The following MCTP2 variants were observed in gnomAD, a reference collection of about 807,000 sequenced individuals.
MCTP2 encodes multiple C2 and transmembrane domain containing 2.
MCTP2 carries 132 observed loss-of-function variants against 111.6 expected under a neutral mutation model. The ratio of observed to expected loss-of-function variants is 1.18; its 90% CI spans 1.03 to 1.37. The LOEUF (loss-of-function observed/expected upper bound fraction) is 1.37. Ranked by LOEUF, MCTP2 falls within the 40% of genes most tolerant of loss-of-function variation. The pLI is 0.00. For synonymous variants in MCTP2, 395 were observed against 387.7 expected, an observed-to-expected ratio of 1.02 and a Z score of -0.22; for missense variants, 1,183 against 1,067.9, an observed-to-expected ratio of 1.11 and a Z score of -1.50.
At chr15:94,461,770 G>A (rs1181069336) in intron 20 of MCTP2, among the ~76,000 whole-genome samples, 1 of 152,168 alleles carries the variant, frequency 6.6e-6, no homozygotes, top group Non-Finnish European at 1.5e-5. Context: ...AGGTTAAGTG[G>A]TTGGAATCCT....
At chr15:94,440,363 C>G in intron 18 of MCTP2, 65 bp downstream of exon 18, 1 of 1,594,632 alleles carries the variant, frequency 6.3e-7, no homozygotes, top group Non-Finnish European at 8.6e-7. Context: ...AAACTACCAC[C>G]ACCACCAAAT....
chr15:94,351,494 G>A (rs926264587), intron 8 of MCTP2, among the ~76,000 whole-genome samples: 1 of 152,078 alleles, frequency 6.6e-6, no homozygotes, highest in Non-Finnish European at 1.5e-5. Context: ...TTTTTCTTAC[G>A]AAGTTGATTT....
intron 20 of MCTP2, among the ~76,000 whole-genome samples, chr15:94,467,490 AGTTTTTTACT>A (rs1378979593): frequency 6.6e-6 from 1 of 152,114 alleles, no homozygotes; most frequent in Non-Finnish European, 1.5e-5. Context: ...TCTACAGTTT[AGTTTTTTACT>A]GTATGTAGCT....
At chr15:94,357,847 G>A (rs558032216) in intron 9 of MCTP2, among the ~76,000 whole-genome samples, 1 of 152,314 alleles carries the variant, frequency 6.6e-6, no homozygotes, top group South Asian at 2.1e-4. Context: ...AAACGTAGAA[G>A]CAGTTTGAAT....
intron 1 of MCTP2, among the ~76,000 whole-genome samples, chr15:94,296,055 C>T (rs2075261844): frequency 6.6e-6 from 1 of 152,164 alleles, no homozygotes; most frequent in Non-Finnish European, 1.5e-5. Context: ...TCCTGAGTTT[C>T]TCATAGTACC....
chr15:94,326,829 A>ACCCT (rs2076905329), intron 4 of MCTP2, among the ~76,000 whole-genome samples: 1 of 19,646 alleles, frequency 5.1e-5, no homozygotes, highest in African/African-American at 2.2e-4. Context: ...CCCCCCCCCA[A>ACCCT]CCTCGGCCTC....
chr15:94,313,352 T>G (rs531620179), intron 2 of MCTP2, among the ~76,000 whole-genome samples: 2 of 152,272 alleles, frequency 1.3e-5, no homozygotes, highest in African/African-American at 4.8e-5. Context: ...TACTGCATGA[T>G]GCAGGTGTCA....
intron 8 of MCTP2, among the ~76,000 whole-genome samples, chr15:94,349,319 T>C (rs895128240): frequency 6.6e-6 from 1 of 152,056 alleles, no homozygotes; most frequent in Non-Finnish European, 1.5e-5. Flanking sequence ...TCATCAAATC[T>C]CTCCTCTCAG....
intron 1 of MCTP2, among the ~76,000 whole-genome samples, chr15:94,244,063 T>C (rs2071446732): frequency 6.8e-6 from 1 of 147,244 alleles, no homozygotes; most frequent in Non-Finnish European, 1.5e-5. Context: ...TACACATACA[T>C]ATGTGTATAT....
chr15:94,268,184 C>CTT (rs370731655), intron 1 of MCTP2, among the ~76,000 whole-genome samples: 16 of 132,296 alleles, frequency 1.2e-4, no homozygotes, highest in South Asian at 7.2e-4. Context: ...TTCTTTCTTT[C>CTT]TTTTTTTTTT....
chr15:94,289,259 G>A (rs977006353), intron 1 of MCTP2, among the ~76,000 whole-genome samples: 1 of 152,150 alleles, frequency 6.6e-6, no homozygotes, highest in East Asian at 1.9e-4. Context: ...ATATATGGAA[G>A]AACAATGATT....
chr15:94,387,143 CCCTTCCTCCTTT>C (rs1040553670), intron 14 of MCTP2, among the ~76,000 whole-genome samples: 1 of 151,348 alleles, frequency 6.6e-6, no homozygotes, highest in African/African-American at 2.4e-5. Context: ...CCTCCTTCCC[CCCTTCCTCCTTT>C]CCTTCCTCCC....
intron 4 of MCTP2, among the ~76,000 whole-genome samples, chr15:94,331,197 A>G (rs2077117851): frequency 6.6e-6 from 1 of 152,224 alleles, no homozygotes; most frequent in South Asian, 2.1e-4. Flanking sequence ...ATTCATAAAA[A>G]TATTGGATGG....
intron 18 of MCTP2, 107 bp from the exon 19 acceptor site, chr15:94,442,812 A>G: frequency 4.4e-6 from 4 of 907,152 alleles, no homozygotes; most frequent in Non-Finnish European, 7.2e-6. Context: ...CATTTCAAAA[A>G]TATAAATGCT....
chr15:94,458,675 T>A (rs1229603366), intron 20 of MCTP2, among the ~76,000 whole-genome samples: 1 of 152,124 alleles, frequency 6.6e-6, no homozygotes, highest in Non-Finnish European at 1.5e-5. Context: ...AAGATACACA[T>A]CTAGTAGCAC....
chr15:94,442,845 A>G, intron 18 of MCTP2, 74 bp from the exon 19 acceptor site: 1 of 1,282,344 alleles, frequency 7.8e-7, no homozygotes, highest in South Asian at 1.2e-5. Flanking sequence ...GCAAGCTTTA[A>G]AATGTGTCTG....
chr15:94,414,468 A>G (rs1052736005), intron 17 of MCTP2, among the ~76,000 whole-genome samples: 2 of 152,190 alleles, frequency 1.3e-5, no homozygotes, highest in Admixed American at 6.6e-5. Context: ...CTAATCCGTT[A>G]AAAAATACAT....
chr15:94,309,053 G>A (rs2076013378), intron 2 of MCTP2, among the ~76,000 whole-genome samples: 1 of 152,162 alleles, frequency 6.6e-6, no homozygotes, highest in South Asian at 2.1e-4. Context: ...TTGATTGTAT[G>A]ATCCATAACC....
intron 1 of MCTP2, among the ~76,000 whole-genome samples, chr15:94,255,257 A>G (rs915926547): frequency 6.6e-6 from 1 of 152,204 alleles, no homozygotes; most frequent in Non-Finnish European, 1.5e-5. Context: ...TTCCAACTTG[A>G]TCTAACAGGT....
Sources: allele counts gnomAD v4.1 joint callset (sites outside exome capture counted in the v4.1 genomes callset), GRCh38; gene constraint gnomAD v4.1.1; transcripts MANE v1.5; gene names NCBI Gene and HGNC (gene_info 2026-07-23, HGNC 2026-07-21).